Variants in MYH16 observed in about 807,000 individuals in gnomAD.
MYH16 encodes the protein myosin heavy chain 16, also known as putative uncharacterized protein MYH16.
At chr7:99,267,646 T>G (rs900721877) in intron 18 of MYH16, among the ~76,000 whole-genome samples, 1 of 152,242 alleles carries the variant, frequency 6.6e-6, no homozygotes, top group African/African-American at 2.4e-5. Context: ...AGCCCAGCTC[T>G]GAGCCAGCGG....
At chr7:99,302,313 T>A (rs201079795) in intron 38 of MYH16, among the ~76,000 whole-genome samples, 12,753 of 72,296 alleles carry the variant, frequency 0.18, 1,380 homozygotes, top group African/African-American at 0.39. Flanking sequence ...AAAAAAAAAA[T>A]ATATACACAC....
chr7:99,283,505 G>A, intron 23 of MYH16, 60 bp from the exon 6 acceptor site: 1 of 453,842 alleles, frequency 2.2e-6, no homozygotes, highest in South Asian at 1.6e-5. Flanking sequence ...CTGAGGATCA[G>A]GACTGTTCAG....
At chr7:99,291,617 A>ACCCCCCCCCCCCCCCCCCCCCCCCC (rs34446113) in intron 31 of MYH16, among the ~76,000 whole-genome samples, 167 bp downstream of exon 12, 6 of 105,954 alleles carry the variant, frequency 5.7e-5, no homozygotes, top group African/African-American at 7.7e-5. Flanking sequence ...ACACAGCAAG[A>ACCCCCCCCCCCCCCCCCCCCCCCCC]CCCCCCCCCA....
At chr7:99,277,578 A>G (rs561066481) in exon 21 of MYH16, 10 of 456,822 alleles carry the variant, frequency 2.2e-5, no homozygotes, top group African/African-American at 2.0e-4. Context: ...AGAAGAGGAG[A>G]TGAAGGCCAA....
At chr7:99,248,473 G>T (rs955440207) in intron 3 of MYH16, among the ~76,000 whole-genome samples, 1 of 152,172 alleles carries the variant, frequency 6.6e-6, no homozygotes, top group Non-Finnish European at 1.5e-5. Context: ...TTAGCTCACC[G>T]CAGTCTAGAA....
chr7:99,274,319 A>T (rs1260616831), intron 20 of MYH16, among the ~76,000 whole-genome samples: 2 of 152,192 alleles, frequency 1.3e-5, no homozygotes, highest in Non-Finnish European at 1.5e-5. Context: ...TCTGGGCACC[A>T]GAAGAGGGAG....
chr7:99,282,444 C>T (rs920457937), intron 23 of MYH16, among the ~76,000 whole-genome samples: 4 of 152,032 alleles, frequency 2.6e-5, no homozygotes, highest in Admixed American at 6.6e-5. Flanking sequence ...TAGACTCTTG[C>T]ATGCCTCTGG....
chr7:99,280,266 C>T (rs529558403), intron 22 of MYH16, among the ~76,000 whole-genome samples: 9 of 152,360 alleles, frequency 5.9e-5, no homozygotes, highest in East Asian at 1.9e-4. Flanking sequence ...CAGCCATGTG[C>T]GTTAAGTGTC....
chr7:99,263,290 G>A (rs932847492), intron 13 of MYH16: 1 of 152,952 alleles, frequency 6.5e-6, no homozygotes, highest in African/African-American at 2.4e-5. Context: ...CTGAAAGGGA[G>A]AGGCTGAACC....
chr7:99,252,113 C>A (rs1010043910), intron 6 of MYH16, among the ~76,000 whole-genome samples: 7 of 152,326 alleles, frequency 4.6e-5, no homozygotes, highest in Non-Finnish European at 1.0e-4. Flanking sequence ...AGATTCACAG[C>A]AGCGAGAAGC....
chr7:99,249,745 G>A (rs530692978), intron 4 of MYH16, among the ~76,000 whole-genome samples: 1 of 151,644 alleles, frequency 6.6e-6, no homozygotes, highest in African/African-American at 2.4e-5. Flanking sequence ...TAATAGAGAC[G>A]GGGGCTTCAC....
chr7:99,281,277 C>T (rs1241380248), intron 23 of MYH16, among the ~76,000 whole-genome samples: 1 of 152,118 alleles, frequency 6.6e-6, no homozygotes, highest in African/African-American at 2.4e-5. Flanking sequence ...TATGAATCAT[C>T]TAGGCATGGC....
At chr7:99,259,196 A>G (rs1306670183) in intron 11 of MYH16, among the ~76,000 whole-genome samples, 19 of 152,208 alleles carry the variant, frequency 1.2e-4, no homozygotes, top group Non-Finnish European at 8.8e-5. Context: ...TTCATCTTAC[A>G]GATGAGGAGA....
At chr7:99,239,108 G>A (rs373471576) in intron 1 of MYH16, 23 of 152,540 alleles carry the variant, frequency 1.5e-4, no homozygotes, top group African/African-American at 5.6e-4. Context: ...GCATGCTCCC[G>A]CCCAGAAGGC....
intron 19 of MYH16, 128 bp downstream of exon 1, chr7:99,273,205 T>C: frequency 2.5e-6 from 1 of 400,818 alleles, no homozygotes; most frequent in Non-Finnish European, 5.1e-6. Flanking sequence ...TGGGCAATGC[T>C]GGGTCTCGAG....
intron 26 of MYH16, 80 bp downstream of exon 8, chr7:99,285,015 TGGCTGA>T (rs1792258961): frequency 2.2e-6 from 1 of 449,742 alleles, no homozygotes; most frequent in Non-Finnish European, 4.5e-6. Context: ...AGCTACTTGG[TGGCTGA>T]GGTTTCCTGA....
intron 9 of MYH16, among the ~76,000 whole-genome samples, chr7:99,256,296 A>G (rs1584342951): frequency 6.6e-6 from 1 of 151,204 alleles, no homozygotes; most frequent in East Asian, 1.9e-4. Flanking sequence ...AAAAAAAAAA[A>G]AAAAATTTAA....
At chr7:99,249,711 A>G (rs368805776) in intron 4 of MYH16, among the ~76,000 whole-genome samples, 10 of 149,908 alleles carry the variant, frequency 6.7e-5, no homozygotes, top group African/African-American at 2.5e-4. Context: ...ACATGCCACC[A>G]TGCCTGGCTA....
intron 18 of MYH16, among the ~76,000 whole-genome samples, chr7:99,268,628 G>A (rs1385486812): frequency 1.3e-5 from 2 of 152,252 alleles, no homozygotes; most frequent in Non-Finnish European, 2.9e-5. Context: ...ACTGGCAGCA[G>A]GAGGAGAACA....
Sources: gnomAD v4.1 joint callset for allele counts (sites outside exome capture counted in the v4.1 genomes callset) on GRCh38, gnomAD v4.1.1 for gene constraint, MANE v1.5 for transcripts, NCBI Gene and HGNC (gene_info 2026-07-23, HGNC 2026-07-21) for gene names.